Variants in KDM4C observed in about 807,000 individuals in gnomAD.
The protein encoded by KDM4C is lysine-specific demethylase 4C.
Under a neutral mutation model 129.3 loss-of-function variants are expected in KDM4C, and 81 were observed. That is an observed-to-expected ratio of 0.63 (90% CI 0.52 to 0.75). KDM4C has a LOEUF of 0.75. KDM4C is among the 30% of genes least tolerant of loss of function. The pLI is 0.00. For missense variants in KDM4C, 1,457 were observed against 1,304.0 expected, an observed-to-expected ratio of 1.12 and a Z score of -1.81; for synonymous variants, 573 against 456.1, an observed-to-expected ratio of 1.26 and a Z score of -3.26.
chr9:6,988,359 A>G (rs1456983672), intron 11 of KDM4C, among the ~76,000 whole-genome samples: 1 of 152,016 alleles, frequency 6.6e-6, no homozygotes, highest in Non-Finnish European at 1.5e-5. Flanking sequence ...AAGGAAGGTG[A>G]TTATAGATCT....
intron 8 of KDM4C, among the ~76,000 whole-genome samples, chr9:6,946,562 A>G (rs1414367817): frequency 6.6e-6 from 1 of 152,082 alleles, no homozygotes; most frequent in East Asian, 1.9e-4. Context: ...TTTAGGGTAA[A>G]TCTCTACCAA....
At chr9:6,990,039 A>G (rs1490460933) in intron 11 of KDM4C, among the ~76,000 whole-genome samples, 1 of 152,098 alleles carries the variant, frequency 6.6e-6, no homozygotes, top group Non-Finnish European at 1.5e-5. Flanking sequence ...TGGCCTCCCA[A>G]AATGCTGAGA....
At chr9:6,772,172 C>G (rs528904326) in intron 1 of KDM4C, among the ~76,000 whole-genome samples, 1 of 151,876 alleles carries the variant, frequency 6.6e-6, no homozygotes, top group African/African-American at 2.4e-5. Flanking sequence ...TTTTTTGAGA[C>G]AGAGTCTCAC....
At chr9:6,859,775 G>A (rs1414546251) in intron 5 of KDM4C, among the ~76,000 whole-genome samples, 1 of 150,386 alleles carries the variant, frequency 6.6e-6, no homozygotes, top group African/African-American at 2.4e-5. Context: ...TGGGGCAAGA[G>A]AATGGCGTGA....
chr9:6,749,930 G>C (rs997683512), intron 1 of KDM4C, among the ~76,000 whole-genome samples: 2 of 138,076 alleles, frequency 1.4e-5, no homozygotes, highest in Admixed American at 1.6e-4. Flanking sequence ...AGGTTGCAGT[G>C]AGCCAAGATT....
At chr9:7,049,257 A>T (rs896040553) in intron 17 of KDM4C, 57 bp downstream of exon 17, 54 of 928,542 alleles carry the variant, frequency 5.8e-5, no homozygotes, top group Admixed American at 1.3e-4. Flanking sequence ...CAAGTTCTGA[A>T]TTTTTCCATT....
intron 8 of KDM4C, among the ~76,000 whole-genome samples, chr9:6,941,378 T>C (rs924414739): frequency 1.3e-5 from 2 of 152,228 alleles, no homozygotes; most frequent in African/African-American, 2.4e-5. Flanking sequence ...GGGGTTGTTC[T>C]TTTCTTGTAA....
Position 7,006,702 on chromosome 9 carries a change from A to G in KDM4C, c.1787-4996A>G, listed in dbSNP as rs188442030. ...ATCACATATTTTTGTTTTAACTCAT[A>G]TTTCTTTTTGAGGACTATTTTTAGG... On this transcript the variant is annotated intron_variant, in intron 12 of 21. Transcript: ENST00000381309. 3.3e-5 allele frequency among the ~76,000 whole-genome samples: 5 copies of G among 152,130 alleles called. No homozygotes were observed. In the East Asian group the frequency reaches 9.7e-4, roughly 29 times the overall value.
intron 4 of KDM4C, among the ~76,000 whole-genome samples, chr9:6,846,088 G>A (rs1230447712): frequency 6.6e-6 from 1 of 152,162 alleles, no homozygotes; most frequent in African/African-American, 2.4e-5. Flanking sequence ...CCTCTGGTGG[G>A]AAGAATGCAG....
chr9:7,121,147 C>G (rs565606419), intron 18 of KDM4C, among the ~76,000 whole-genome samples: 1 of 152,206 alleles, frequency 6.6e-6, no homozygotes, highest in East Asian at 1.9e-4. Context: ...CGGTTTAAAC[C>G]AGTGATAACT....
intron 8 of KDM4C, among the ~76,000 whole-genome samples, chr9:6,940,638 AC>A (rs1037367451): frequency 2.6e-5 from 4 of 151,316 alleles, no homozygotes; most frequent in Admixed American, 1.3e-4. Context: ...GGGAAAAAAA[AC>A]GTAGCCACCA....
intron 8 of KDM4C, among the ~76,000 whole-genome samples, chr9:6,908,602 A>G (rs1030996222): frequency 6.6e-6 from 1 of 151,796 alleles, no homozygotes; most frequent in Admixed American, 6.6e-5. Context: ...AGGTGTGACA[A>G]GATCTTCTTG....
chr9:6,806,397 G>A lies in KDM4C; in HGVS notation c.320+623G>A, dbSNP rs183436617. Reference sequence around the variant, plus strand: ...TAATCCCAGCTACTCAGGAGGCTGAGGCAGGAGAATTGCTTGAACCTGGGA... The same window carrying A: ...TAATCCCAGCTACTCAGGAGGCTGAAGCAGGAGAATTGCTTGAACCTGGGA... On this transcript the variant is annotated intron_variant, in intron 3 of 21. Coordinates refer to ENST00000381309, the MANE Select transcript of KDM4C (RefSeq NM_015061.6). Among the ~76,000 whole-genome samples the A allele has an allele frequency of 4.7e-3, 718 of 152,198 alleles. 6 individuals carry two copies. Among genetic ancestry groups the A allele is most frequent in the African/African-American group, 0.017 (697 of 41,514 alleles).
chr9:7,025,689 T>C (rs1289211255), intron 15 of KDM4C, among the ~76,000 whole-genome samples: 1 of 152,248 alleles, frequency 6.6e-6, no homozygotes, highest in Non-Finnish European at 1.5e-5. Context: ...CTTTTTGTTG[T>C]CTCTGTTTAT....
intron 1 of KDM4C, among the ~76,000 whole-genome samples, chr9:6,785,966 C>T (rs1249865196): frequency 6.6e-6 from 1 of 152,188 alleles, no homozygotes; most frequent in Non-Finnish European, 1.5e-5. Context: ...ACATAGTCTG[C>T]TAACTGTGAG....
At chr9:6,842,001 T>C (rs1035249191) in intron 4 of KDM4C, among the ~76,000 whole-genome samples, 4 of 152,234 alleles carry the variant, frequency 2.6e-5, no homozygotes, top group Non-Finnish European at 4.4e-5. Context: ...CATTTGCATA[T>C]TGATCATGGA....
chr9:6,950,722 T>C (rs1034190696), intron 8 of KDM4C, among the ~76,000 whole-genome samples: 1 of 152,208 alleles, frequency 6.6e-6, no homozygotes, highest in Non-Finnish European at 1.5e-5. Context: ...ACATAAAAGT[T>C]GAAGTTTTCA....
At chr9:7,165,485 G>A (rs1452116834) in intron 20 of KDM4C, 128 bp downstream of exon 20, 3 of 1,083,906 alleles carry the variant, frequency 2.8e-6, no homozygotes, top group African/African-American at 3.2e-5. Flanking sequence ...TATGCAGGAG[G>A]CAAAGATTCA....
intron 4 of KDM4C, among the ~76,000 whole-genome samples, chr9:6,825,007 GTGGTGAC>G (rs1226414652): frequency 6.6e-6 from 1 of 151,992 alleles, no homozygotes; most frequent in African/African-American, 2.4e-5. Context: ...TTAGCCGGGT[GTGGTGAC>G]ATGCACCTGT....
Sources: allele counts gnomAD v4.1 joint callset (sites outside exome capture counted in the v4.1 genomes callset), GRCh38; gene constraint gnomAD v4.1.1; transcripts MANE v1.5; gene names NCBI Gene and HGNC (gene_info 2026-07-23, HGNC 2026-07-21).